ACAD10: variants seen among roughly 807,000 people sequenced by gnomAD.
The protein encoded by ACAD10 is acyl-CoA dehydrogenase family member 10.
A neutral mutation model predicts 116.8 loss-of-function variants in ACAD10; 112 were observed. The ratio of observed to expected loss-of-function variants is 0.96; its 90% CI spans 0.82 to 1.12. The LOEUF (loss-of-function observed/expected upper bound fraction) is 1.12, where lower values mean the gene tolerates loss of function less well. Among genes scored for constraint, ACAD10 ranks in the 50% most tolerant of loss-of-function variants. The probability of loss-of-function intolerance (pLI) is 0.00; values close to 1 mark genes in which losing one functional copy is unlikely to be tolerated. For synonymous variants in ACAD10, 486 were observed against 510.6 expected (o/e 0.95, Z 0.65); for missense variants, 1,259 against 1,350.2 (o/e 0.93, Z 1.06).
intron 1 of ACAD10, among the ~76,000 whole-genome samples, chr12:111,689,114 C>T (rs1700479250): frequency 6.6e-6 from 1 of 151,898 alleles, no homozygotes; most frequent in Non-Finnish European, 1.5e-5. Context: ...TCGCTTGAAC[C>T]CAGGAGGTGG....
intron 3 of ACAD10, among the ~76,000 whole-genome samples, chr12:111,704,331 G>A (rs190274215): frequency 9.9e-5 from 15 of 151,956 alleles, no homozygotes; most frequent in African/African-American, 3.6e-4. Context: ...TAGTAGAGAC[G>A]GGGTTTCACC....
At chr12:111,692,623 T>C in intron 1 of ACAD10, 74 bp from the exon 2 acceptor site, 2 of 1,487,140 alleles carry the variant, frequency 1.3e-6, no homozygotes, top group Non-Finnish European at 1.8e-6. Context: ...GGCTGGCCCC[T>C]CTGAGCTCCA....
chr12:111,721,688 C>T lies in ACAD10; in HGVS notation c.1010C>T (p.Ala337Val), dbSNP rs779624721. 1.9e-6 allele frequency: 3 copies of T among 1,605,086 alleles called. No individual in the cohort carries two copies. The highest frequency in any genetic ancestry group is 2.6e-6 in the Non-Finnish European group (3 of 1,172,980). Residue 337 changes from alanine (A) to valine (V), a missense_variant, in exon 8 of 21, where the codon GCA becomes GTA. Physicochemically the swap from Ala to Val is moderately conservative, Grantham distance 64. Transcript: ENST00000313698. ...EREFRIMKAL[A>V]NAGVPVPNVL... The stretch of plus-strand genomic sequence containing the variant: ...CCTTGCAGGATTATGAAAGCCCTTG[C>T]AAATGCTGGAGTACCTGTCCCTAAC...
chr12:111,747,272 A>G, intron 15 of ACAD10, 23 bp from the exon 16 acceptor site: 1 of 1,613,920 alleles, frequency 6.2e-7, no homozygotes, highest in Non-Finnish European at 8.5e-7. Context: ...GGCGTCTCTG[A>G]CTGGAATATG....
At chr12:111,749,119 A>C (rs1889997662) in intron 17 of ACAD10, 54 bp from the exon 18 acceptor site, 1 of 1,613,810 alleles carries the variant, frequency 6.2e-7, no homozygotes, top group Non-Finnish European at 8.5e-7. Context: ...GAATAAACAC[A>C]TCCAAGGAAA....
At chr12:111,730,579 C>T (rs867703583) in intron 10 of ACAD10, among the ~76,000 whole-genome samples, 1 of 151,360 alleles carries the variant, frequency 6.6e-6, no homozygotes, top group Non-Finnish European at 1.5e-5. Flanking sequence ...GAAAACTGCC[C>T]GTTAGGTACT....
intron 3 of ACAD10, among the ~76,000 whole-genome samples, chr12:111,703,518 G>A (rs1425997227): frequency 6.6e-6 from 1 of 152,090 alleles, no homozygotes; most frequent in Non-Finnish European, 1.5e-5. Context: ...ACGACAACAC[G>A]ACTGTACTTA....
chr12:111,706,780 A>T (rs59303680), intron 4 of ACAD10, among the ~76,000 whole-genome samples: 9,042 of 121,814 alleles, frequency 0.074, 772 homozygotes, highest in African/African-American at 0.23. Context: ...ATATATATAT[A>T]TATTTTTTTT....
chr12:111,720,111 G>A (rs908784700), intron 7 of ACAD10, among the ~76,000 whole-genome samples: 4 of 152,150 alleles, frequency 2.6e-5, no homozygotes, highest in Non-Finnish European at 4.4e-5. Flanking sequence ...TGATCCGCCC[G>A]CCTCGGCCTC....
intron 8 of ACAD10, chr12:111,721,972 A>G (rs1889024995): frequency 2.8e-6 from 1 of 361,960 alleles, no homozygotes; most frequent in African/African-American, 2.1e-5. Flanking sequence ...TTCAAAAAAT[A>G]CATATTAATC....
chr12:111,751,743 T>TAACATTAA (rs1406403444), intron 18 of ACAD10, among the ~76,000 whole-genome samples: 1 of 149,676 alleles, frequency 6.7e-6, no homozygotes, highest in Non-Finnish European at 1.5e-5. Flanking sequence ...AAAAAAAAAT[T>TAACATTAA]AAAATTAAAA....
intron 12 of ACAD10, among the ~76,000 whole-genome samples, chr12:111,743,940 G>T (rs550841579): frequency 4.0e-5 from 6 of 151,194 alleles, no homozygotes; most frequent in African/African-American, 1.5e-4. Flanking sequence ...AGAGATGGGG[G>T]TTTCTCCATG....
Position 111,692,375 on chromosome 12 carries a change from G to A in ACAD10, c.-13-322G>A, listed in dbSNP as rs530271230. Among the ~76,000 whole-genome samples the A allele has an allele frequency of 1.1e-3, 168 of 152,346 alleles. 1 individual carries two copies. The highest frequency in any genetic ancestry group is 5.0e-3 in the South Asian group (24 of 4,826). On this transcript the variant is annotated intron_variant, in intron 1 of 20. Coordinates refer to ENST00000313698, the MANE Select transcript of ACAD10 (RefSeq NM_025247.6). ...AGTTAGGATCCATGGGCAAGATGGT[G>A]GCAGTGAGAATGCAAAGAGGTAGAT...
chr12:111,703,341 TA>T (rs1401585509), intron 3 of ACAD10, among the ~76,000 whole-genome samples: 6 of 152,158 alleles, frequency 3.9e-5, no homozygotes, highest in Admixed American at 2.6e-4. Context: ...ATGGCTTTGA[TA>T]AAAAAGCTTT....
chr12:111,710,781 C>A (rs1440066916), intron 5 of ACAD10, among the ~76,000 whole-genome samples: 1 of 152,070 alleles, frequency 6.6e-6, no homozygotes, highest in Non-Finnish European at 1.5e-5. Flanking sequence ...CCACGCCCGG[C>A]CGTGAATCTT....
rs575941400 is a variant in ACAD10, at chr12:111,726,140, G to A, written c.1062-1822G>A. Among the ~76,000 whole-genome samples the A allele has an allele frequency of 2.5e-3, 379 of 152,260 alleles. 1 individual carries two copies. The highest frequency in any genetic ancestry group is 4.0e-3 in the Non-Finnish European group (275 of 68,018). ...ATGGTGGCGCTCACCTGGAGTCCCA[G>A]CTACTTTGGAGGCTGAAGCAGGAGA... is the stretch of plus-strand genomic sequence containing the variant. On this transcript the variant is annotated intron_variant, in intron 8 of 20. Coordinates refer to ENST00000313698, the MANE Select transcript of ACAD10 (RefSeq NM_025247.6).
chr12:111,733,708 C>G (rs547974010), intron 10 of ACAD10: 2 of 585,648 alleles, frequency 3.4e-6, no homozygotes, highest in Non-Finnish European at 6.1e-6. Flanking sequence ...AATAACCAGG[C>G]CCTTTCCCAT....
Position 111,744,863 on chromosome 12 carries a change from T to C in ACAD10, c.1935T>C (p.Ala645=). The C allele has an allele frequency of 1.2e-6, 2 of 1,614,144 alleles. No individual in the cohort carries two copies. Among genetic ancestry groups the C allele is most frequent in the South Asian group, 2.2e-5 (2 of 91,086 alleles). Residue 645 remains alanine (A), a synonymous_variant, in exon 13 of 21, where the codon GCT becomes GCC. Transcript: ENST00000313698. ...SYSSVPEASP[A]HTSRGGLVIS... ...GCTCCGTTCCAGAAGCTTCCCCAGC[T>C]CATACCTCAAGGGGAGGTCTGGTTA...
At chr12:111,731,350 C>T (rs1307720317) in intron 10 of ACAD10, among the ~76,000 whole-genome samples, 1 of 152,236 alleles carries the variant, frequency 6.6e-6, no homozygotes, top group African/African-American at 2.4e-5. Context: ...ATTTGACCCC[C>T]TCCTCCATCT....
Sources: gnomAD v4.1 joint callset for allele counts (sites outside exome capture counted in the v4.1 genomes callset) on GRCh38, gnomAD v4.1.1 for gene constraint, MANE v1.5 for transcripts, NCBI Gene and HGNC (gene_info 2026-07-23, HGNC 2026-07-21) for gene names.